The following PPP1R1C variants were observed in gnomAD, a reference collection of about 807,000 sequenced individuals.
PPP1R1C encodes protein phosphatase 1 regulatory subunit 1C.
In PPP1R1C, 15 loss-of-function variants were observed where a neutral mutation model predicts 17.4. That is an observed-to-expected ratio of 0.86 (90% CI 0.58 to 1.33). PPP1R1C has a LOEUF of 1.33. Ranked by LOEUF, PPP1R1C falls within the 40% of genes most tolerant of loss-of-function variation. PPP1R1C has a pLI of 0.00. For missense variants in PPP1R1C, 143 were observed against 130.0 expected, an observed-to-expected ratio of 1.10 and a Z score of -0.48; for synonymous variants, 35 against 43.1, an observed-to-expected ratio of 0.81 and a Z score of 0.73.
intron 1 of PPP1R1C, among the ~76,000 whole-genome samples, chr2:181,965,678 CA>C (rs1435952358): frequency 2.0e-5 from 3 of 152,208 alleles, no homozygotes; most frequent in African/African-American, 4.8e-5. Flanking sequence ...TGCCAGTAAC[CA>C]AAACCATGCT....
intron 2 of PPP1R1C, among the ~76,000 whole-genome samples, chr2:182,022,300 C>T (rs530904124): frequency 6.6e-6 from 1 of 152,218 alleles, no homozygotes; most frequent in East Asian, 1.9e-4. Context: ...TTGCAAGGCT[C>T]TGGGGGGAAA....
intron 2 of PPP1R1C, among the ~76,000 whole-genome samples, chr2:181,993,355 T>G (rs1007474693): frequency 1.3e-5 from 2 of 152,152 alleles, no homozygotes; most frequent in Non-Finnish European, 2.9e-5. Flanking sequence ...CTGAGAAGTT[T>G]CTGGGGACTC....
chr2:182,031,083 C>T (rs572753589), intron 2 of PPP1R1C: 17 of 154,830 alleles, frequency 1.1e-4, no homozygotes, highest in Non-Finnish European at 2.1e-4. Context: ...GCGCAAGGTG[C>T]GCGCACCCAC....
intron 1 of PPP1R1C, among the ~76,000 whole-genome samples, chr2:181,966,327 C>T (rs1684903561): frequency 6.6e-6 from 1 of 152,086 alleles, no homozygotes. Context: ...TTCCCTTGTA[C>T]TTCCAGTACC....
chr2:182,031,365 A>G (rs1380631783), intron 2 of PPP1R1C, among the ~76,000 whole-genome samples: 3 of 152,218 alleles, frequency 2.0e-5, no homozygotes, highest in Non-Finnish European at 4.4e-5. Context: ...TCTTGCTTGA[A>G]TTTTAAGAAG....
At chr2:182,064,649 G>C (rs181497422) in intron 4 of PPP1R1C, among the ~76,000 whole-genome samples, 62 of 152,130 alleles carry the variant, frequency 4.1e-4, no homozygotes, top group African/African-American at 1.4e-3. Context: ...GATATAAATG[G>C]ACACATTAAT....
intron 2 of PPP1R1C, among the ~76,000 whole-genome samples, chr2:182,046,502 C>A (rs1390029501): frequency 6.7e-6 from 1 of 150,130 alleles, no homozygotes; most frequent in Non-Finnish European, 1.5e-5. Context: ...CCGAGGCAGG[C>A]AGATCACAAG....
downstream of PPP1R1C, among the ~76,000 whole-genome samples, chr2:182,118,982 C>A (rs1689660410): frequency 6.6e-6 from 1 of 151,948 alleles, no homozygotes. Flanking sequence ...TATACATGTG[C>A]CGTGTTGGTG....
rs3064024 is a variant in PPP1R1C at position 182,049,332 on chromosome 2, CAAA to C, written c.143-12093_143-12091del. ...TGGGTAACAGAATGAGATTCCATCT[CAAA>C]AAAAAAAAAAAAAAAATCTCTCTAG... On this transcript the variant is annotated intron_variant, in intron 2 of 4. Coordinates refer to ENST00000682840, the MANE Select transcript of PPP1R1C (RefSeq NM_001080545.3). Among the ~76,000 whole-genome samples the C allele has an allele frequency of 1.3e-4, 10 of 77,950 alleles. No individual in the cohort carries two copies. The South Asian group carries it at 1.3e-3, about 10-fold the overall frequency. 51.1% of individuals were successfully genotyped at this position (77,950 alleles called of 152,430 possible).
chr2:182,061,765 T>C (rs934667033), intron 3 of PPP1R1C, among the ~76,000 whole-genome samples: 1 of 151,954 alleles, frequency 6.6e-6, no homozygotes, highest in African/African-American at 2.4e-5. Flanking sequence ...TGATTATATA[T>C]GCACACCACA....
intron 2 of PPP1R1C, among the ~76,000 whole-genome samples, chr2:182,037,775 C>A (rs1687057393): frequency 6.6e-6 from 1 of 152,048 alleles, no homozygotes; most frequent in African/African-American, 2.4e-5. Flanking sequence ...GAAGCAAAAT[C>A]TATTACAGAC....
intron 2 of PPP1R1C, among the ~76,000 whole-genome samples, chr2:182,005,158 C>A (rs950594365): frequency 6.6e-6 from 1 of 152,096 alleles, no homozygotes; most frequent in African/African-American, 2.4e-5. Context: ...ACTTTGATAA[C>A]GTTGGCAATA....
Position 182,116,154 on chromosome 2 carries a change from GC to G in PPP1R1C, c.242-1051del, listed in dbSNP as rs1394248936. On this transcript the variant is annotated intron_variant, in intron 4 of 4. Coordinates refer to ENST00000682840, the MANE Select transcript of PPP1R1C (RefSeq NM_001080545.3). ...TCTAAAGATAGATTATTGTGGAACT[GC>G]CAAATGCATATACCAAACTGTTACT... Among the ~76,000 whole-genome samples, 23 of 152,212 alleles carry G rather than the reference GC, an allele frequency of 1.5e-4. 1 individual carries two copies. The South Asian group carries it at 4.4e-3, about 29-fold the overall frequency.
At chr2:181,970,545 T>C (rs542104677) in intron 1 of PPP1R1C, among the ~76,000 whole-genome samples, 1 of 152,314 alleles carries the variant, frequency 6.6e-6, no homozygotes, top group Non-Finnish European at 1.5e-5. Flanking sequence ...CCCTAGGTCT[T>C]GACCAAAGTC....
intron 4 of PPP1R1C, among the ~76,000 whole-genome samples, chr2:182,103,183 T>C (rs1347313326): frequency 6.6e-6 from 1 of 152,210 alleles, no homozygotes; most frequent in Non-Finnish European, 1.5e-5. Flanking sequence ...AAAAAAAATC[T>C]CAAGTTAGTG....
At chr2:182,074,445 T>C (rs1688235578) in intron 4 of PPP1R1C, among the ~76,000 whole-genome samples, 1 of 152,158 alleles carries the variant, frequency 6.6e-6, no homozygotes, top group South Asian at 2.1e-4. Context: ...TCTTTCTTTT[T>C]CTTTCATGCA....
At chr2:181,956,581 C>T (rs111729906) in intron 1 of PPP1R1C, among the ~76,000 whole-genome samples, 18,323 of 152,184 alleles carry the variant, frequency 0.12, 1,629 homozygotes, top group Non-Finnish European at 0.18. Context: ...TTTTAATGAT[C>T]GCCATTCTAA....
intron 2 of PPP1R1C, among the ~76,000 whole-genome samples, chr2:181,990,395 G>A (rs1380602270): frequency 6.6e-6 from 1 of 151,848 alleles, no homozygotes; most frequent in African/African-American, 2.4e-5. Context: ...CGCCCGCCTC[G>A]GCCTCCCTAA....
chr2:182,119,787 C>T (rs1028859427), downstream of PPP1R1C, among the ~76,000 whole-genome samples: 47 of 152,188 alleles, frequency 3.1e-4, no homozygotes, highest in Admixed American at 1.2e-3. Flanking sequence ...TTGGAGTTCA[C>T]TATAGATTCT....
Sources: gnomAD v4.1 joint callset for allele counts (sites outside exome capture counted in the v4.1 genomes callset) on GRCh38, gnomAD v4.1.1 for gene constraint, MANE v1.5 for transcripts, NCBI Gene and HGNC (gene_info 2026-07-23, HGNC 2026-07-21) for gene names.